The following CRYBB3 variants were observed in gnomAD, a reference collection of about 807,000 sequenced individuals.
The protein encoded by CRYBB3 is beta-crystallin B3.
CRYBB3 carries 35 observed loss-of-function variants against 28.3 expected under a neutral mutation model. That is an observed-to-expected ratio of 1.24 (90% CI 0.95 to 1.64). The LOEUF is 1.64. CRYBB3 is among the 40% of genes most tolerant of loss of function. The probability of loss-of-function intolerance (pLI) is 0.00; values close to 1 mark genes in which losing one functional copy is unlikely to be tolerated. For missense variants in CRYBB3, 296 were observed against 297.4 expected (o/e 1.00, Z 0.04); for synonymous variants, 106 against 110.4 (o/e 0.96, Z 0.25).
At chr22:25,201,178 G>A (rs951621721) in intron 1 of CRYBB3, among the ~76,000 whole-genome samples, 199 bp from the exon 2 acceptor site, 1 of 152,160 alleles carries the variant, frequency 6.6e-6, no homozygotes, top group Non-Finnish European at 1.5e-5. Context: ...GTACAATGGG[G>A]CTCCTGATCC....
intron 3 of CRYBB3, 57 bp downstream of exon 3, chr22:25,202,849 A>G: frequency 6.2e-7 from 1 of 1,605,178 alleles, no homozygotes. Context: ...GGGAGTGTGG[A>G]GGCCCCAGTC....
At chr22:25,205,701 T>C (rs1158695734) in intron 5 of CRYBB3, among the ~76,000 whole-genome samples, 1 of 152,088 alleles carries the variant, frequency 6.6e-6, no homozygotes, top group Non-Finnish European at 1.5e-5. Context: ...CCTCATGATC[T>C]GCCCGCCTCG....
At chr22:25,204,011 TGGGAA>T in intron 4 of CRYBB3, 116 bp downstream of exon 4, 1 of 1,257,832 alleles carries the variant, frequency 8.0e-7, no homozygotes, top group South Asian at 1.2e-5. Context: ...GGACCTGGCC[TGGGAA>T]GGGCCCTCAT....
chr22:25,205,073 C>T (rs929682584), intron 4 of CRYBB3, 147 bp from the exon 5 acceptor site: 2 of 993,658 alleles, frequency 2.0e-6, no homozygotes, highest in African/African-American at 3.2e-5. Flanking sequence ...GGGGTGGAGG[C>T]ATCTCCTGAG....
chr22:25,207,249 G>A lies in CRYBB3; in HGVS notation c.*37G>A. On this transcript the variant is annotated 3_prime_UTR_variant, in exon 6 of 6. Transcript: ENST00000215855. ...ACTTCAAGGACCCAGACCCACCCTG[G>A]GGGGCTGCAAGGGCAAGAAGAGGAG... 6.3e-7 allele frequency: 1 copy of A among 1,593,550 alleles called. No individual in the cohort carries two copies. The highest frequency in any genetic ancestry group is 8.6e-7 in the Non-Finnish European group (1 of 1,168,370).
chr22:25,201,430 G>A lies in CRYBB3; in HGVS notation c.34G>A (p.Ala12Thr). Reference sequence around the variant, plus strand: ...ACAGCACGGAGCACCCGAACAGGCTGCAGCTGGCAAGAGCCATGGAGACCT... The same window carrying A: ...ACAGCACGGAGCACCCGAACAGGCTACAGCTGGCAAGAGCCATGGAGACCT... ...AEQHGAPEQA[A>T]AGKSHGDLGG... The change falls in exon 2 of 6, where the codon GCA becomes ACA. Residue 12 changes from alanine to threonine, a missense_variant. Ala to Thr is a moderately conservative substitution (Grantham distance 58). Coordinates refer to ENST00000215855, the MANE Select transcript of CRYBB3 (RefSeq NM_004076.5). 1.9e-6 allele frequency: 3 copies of A among 1,613,508 alleles called. No individual in the cohort carries two copies. Among genetic ancestry groups the A allele is most frequent in the Non-Finnish European group, 1.7e-6 (2 of 1,179,632 alleles).
Position 25,202,780 on chromosome 22 carries a change from T to C in CRYBB3, c.182T>C (p.Val61Ala). ...CTGGAGAAGGTGGGCTCCATCCAAG[T>C]GGAGTCCGGGCCGTGAGTACCTAGA... ...SLLEKVGSIQ[V>A]ESGPWLAFES... The change falls in exon 3 of 6, where the codon GTG (valine) becomes GCG (alanine). Residue 61 changes from valine (V) to alanine (A), a missense_variant. Physicochemically the swap from Val to Ala is moderately conservative, Grantham distance 64 (BLOSUM62 0). Transcript: ENST00000215855. The C allele has an allele frequency of 6.2e-7, 1 of 1,613,940 alleles. No homozygotes were observed. Among genetic ancestry groups the C allele is most frequent in the Non-Finnish European group, 8.5e-7 (1 of 1,179,994 alleles).
chr22:25,202,724 G>A lies in CRYBB3; in HGVS notation c.126G>A (p.Ser42=), dbSNP rs746837533. 5.6e-6 allele frequency: 9 copies of A among 1,613,910 alleles called. No homozygotes were observed. In the East Asian group the frequency reaches 8.9e-5, roughly 16 times the overall value. Residue 42 remains serine, a synonymous_variant, in exon 3 of 6, where the codon TCG becomes TCA. Coordinates refer to ENST00000215855, the MANE Select transcript of CRYBB3 (RefSeq NM_004076.5). ...ENFQGKRCEL[S]AECPSLTDSL... ...TCCAAGGCAAACGCTGCGAGCTCTC[G>A]GCCGAGTGCCCCAGCCTGACCGACA...
intron 5 of CRYBB3, among the ~76,000 whole-genome samples, chr22:25,206,257 A>G (rs572792078): frequency 1.4e-4 from 21 of 152,256 alleles, no homozygotes; most frequent in African/African-American, 4.8e-4. Flanking sequence ...TGGCCCTCAA[A>G]AAATTTGCGT....
At chr22:25,200,710 G>A (rs529113883) in intron 1 of CRYBB3, among the ~76,000 whole-genome samples, 2 of 152,098 alleles carry the variant, frequency 1.3e-5, no homozygotes, top group Admixed American at 6.5e-5. Flanking sequence ...GTACACAGTC[G>A]TGTTCAATAA....
intron 2 of CRYBB3, 98 bp from the exon 3 acceptor site, chr22:25,202,576 G>A: frequency 6.3e-7 from 1 of 1,598,044 alleles, no homozygotes; most frequent in Non-Finnish European, 8.5e-7. Context: ...GAGAGATGCA[G>A]AAAGCAGAGG....
At chr22:25,205,461 T>C in intron 5 of CRYBB3, 99 bp downstream of exon 5, 1 of 1,329,712 alleles carries the variant, frequency 7.5e-7, no homozygotes, top group Non-Finnish European at 9.9e-7. Flanking sequence ...ATTTTATTTA[T>C]TTATTTATTT....
rs780783860 is a variant in CRYBB3, at chr22:25,201,363, C to T, written c.-20-14C>T. ...CCGGGTGGATCCAGTGAACCATTTT[C>T]TTTTGGTTTGAAGCCAGAGGTGTTC... On this transcript the variant is annotated splice_polypyrimidine_tract_variant and intron_variant, in intron 1 of 5. Coordinates refer to ENST00000215855, the MANE Select transcript of CRYBB3 (RefSeq NM_004076.5). 1.9e-6 allele frequency: 3 copies of T among 1,612,042 alleles called. No homozygotes were observed. Among genetic ancestry groups the T allele is most frequent in the Non-Finnish European group, 2.5e-6 (3 of 1,178,710 alleles).
intron 4 of CRYBB3, among the ~76,000 whole-genome samples, chr22:25,204,713 C>T (rs1325482365): frequency 6.6e-6 from 1 of 152,216 alleles, no homozygotes; most frequent in Non-Finnish European, 1.5e-5. Context: ...CCACCACGCC[C>T]GGCCCACAGT....
chr22:25,206,728 AGGG>A (rs1341426591), intron 5 of CRYBB3, among the ~76,000 whole-genome samples: 1 of 152,012 alleles, frequency 6.6e-6, no homozygotes. Flanking sequence ...AGTGGAAAAA[AGGG>A]GGAAGGAGAG....
intron 2 of CRYBB3, 114 bp downstream of exon 2, chr22:25,201,585 G>A (rs1351369700): frequency 1.1e-5 from 17 of 1,502,750 alleles, no homozygotes; most frequent in Non-Finnish European, 1.5e-5. Context: ...AACCACCCAG[G>A]CCAGGACAAA....
rs772437517 is a variant in CRYBB3, at chr22:25,207,251, G to A, written c.*39G>A. ...TTCAAGGACCCAGACCCACCCTGGG[G>A]GGCTGCAAGGGCAAGAAGAGGAGGC... On this transcript the variant is annotated 3_prime_UTR_variant, in exon 6 of 6. Transcript: ENST00000215855. 1 of 1,581,958 alleles carries A rather than the reference G, an allele frequency of 6.3e-7. No homozygotes were observed. The highest frequency in any genetic ancestry group is 8.6e-7 in the Non-Finnish European group (1 of 1,159,992).
At position 25,201,467 on chromosome 22, in the gene CRYBB3, A is replaced by T. The variant is rs762265757; in HGVS notation, c.71A>T (p.Tyr24Phe). ...AGCCATGGAGACCTTGGGGGCAGCT[A>T]CAAGGTACTGGGCAGGGAGGGGGTC... Reference protein sequence around the residue: ...GKSHGDLGGSYKVILYELENF... With the variant: ...GKSHGDLGGSFKVILYELENF... Residue 24 changes from tyrosine to phenylalanine, a missense_variant, in exon 2 of 6, where the codon TAC becomes TTC. By Grantham distance (22) the Tyr-to-Phe change is conservative. Coordinates refer to ENST00000215855, the MANE Select transcript of CRYBB3 (RefSeq NM_004076.5). 2 of 1,612,860 alleles carry T rather than the reference A, an allele frequency of 1.2e-6. No individual in the cohort carries two copies. The highest frequency in any genetic ancestry group is 1.7e-6 in the Non-Finnish European group (2 of 1,179,298).
intron 2 of CRYBB3, 98 bp from the exon 3 acceptor site, chr22:25,202,576 G>C (rs975447098): frequency 6.3e-7 from 1 of 1,598,044 alleles, no homozygotes; most frequent in Non-Finnish European, 8.5e-7. Flanking sequence ...GAGAGATGCA[G>C]AAAGCAGAGG....
Sources: gnomAD v4.1 joint callset for allele counts (sites outside exome capture counted in the v4.1 genomes callset) on GRCh38, gnomAD v4.1.1 for gene constraint, MANE v1.5 for transcripts, NCBI Gene and HGNC (gene_info 2026-07-23, HGNC 2026-07-21) for gene names.